The following PTPRD variants were observed in gnomAD, a reference collection of about 807,000 sequenced individuals.
The protein encoded by PTPRD is protein tyrosine phosphatase receptor type D, also known as receptor-type tyrosine-protein phosphatase delta.
A neutral mutation model predicts 214.5 loss-of-function variants in PTPRD; 34 were observed. That is an observed-to-expected ratio of 0.16 (90% confidence interval 0.12 to 0.21). The LOEUF is 0.21. PTPRD is among the 10% of genes least tolerant of loss of function. PTPRD has a pLI of 1.00. For missense variants in PTPRD, 2,545 were observed against 2,398.7 expected, an observed-to-expected ratio of 1.06 and a Z score of -1.27; for synonymous variants, 1,128 against 845.7, an observed-to-expected ratio of 1.33 and a Z score of -5.79.
chr9:9,876,527 T>G (rs887566579), intron 5 of PTPRD, among the ~76,000 whole-genome samples: 4 of 152,148 alleles, frequency 2.6e-5, no homozygotes, highest in African/African-American at 9.7e-5. Flanking sequence ...ACACATGATG[T>G]GAAAACACTT....
intron 5 of PTPRD, among the ~76,000 whole-genome samples, chr9:9,854,325 G>A (rs1001970685): frequency 3.9e-5 from 6 of 152,028 alleles, no homozygotes; most frequent in African/African-American, 1.4e-4. Flanking sequence ...AAACTAACTT[G>A]TATTTGCCAT....
At chr9:9,691,955 A>T (rs142434762) in intron 7 of PTPRD, among the ~76,000 whole-genome samples, 2 of 151,892 alleles carry the variant, frequency 1.3e-5, no homozygotes, top group East Asian at 3.9e-4. Context: ...TATTTTGCCC[A>T]TTTTTCAATC....
At chr9:8,545,016 C>G (rs930394132) in intron 14 of PTPRD, among the ~76,000 whole-genome samples, 1 of 149,984 alleles carries the variant, frequency 6.7e-6, no homozygotes, top group African/African-American at 2.5e-5. Flanking sequence ...CTGGGATATT[C>G]ACTTTCCTGG....
At chr9:8,885,306 G>C (rs1314304449) in intron 11 of PTPRD, among the ~76,000 whole-genome samples, 1 of 151,886 alleles carries the variant, frequency 6.6e-6, no homozygotes, top group Non-Finnish European at 1.5e-5. Context: ...TGGGACTAAG[G>C]GGTTTCTCAG....
intron 5 of PTPRD, among the ~76,000 whole-genome samples, chr9:9,837,228 G>C (rs550305490): frequency 6.6e-6 from 1 of 152,076 alleles, no homozygotes. Context: ...AATGAGAAAA[G>C]AAATGGGCAT....
At chr9:9,938,170 C>A (rs2090229420) in intron 5 of PTPRD, among the ~76,000 whole-genome samples, 3 of 152,042 alleles carry the variant, frequency 2.0e-5, no homozygotes. Context: ...CTCTGGTTTC[C>A]CACTCTGGAT....
intron 20 of PTPRD, among the ~76,000 whole-genome samples, chr9:8,520,367 C>T (rs754690396): frequency 6.6e-6 from 1 of 152,032 alleles, no homozygotes; most frequent in African/African-American, 2.4e-5. Context: ...GTTAGAGATG[C>T]GATACCAATT....
At chr9:8,901,874 C>T (rs1021243525) in intron 11 of PTPRD, among the ~76,000 whole-genome samples, 1 of 152,072 alleles carries the variant, frequency 6.6e-6, no homozygotes, top group Non-Finnish European at 1.5e-5. Context: ...ATGATGAAAT[C>T]CTTCTCTGAA....
At chr9:8,824,561 A>G (rs1365824145) in intron 11 of PTPRD, among the ~76,000 whole-genome samples, 1 of 151,446 alleles carries the variant, frequency 6.6e-6, no homozygotes, top group Non-Finnish European at 1.5e-5. Flanking sequence ...TTATACAAAG[A>G]GTATAACAGT....
At chr9:8,719,823 G>A (rs934052979) in intron 12 of PTPRD, among the ~76,000 whole-genome samples, 6 of 150,810 alleles carry the variant, frequency 4.0e-5, no homozygotes, top group South Asian at 2.1e-4. Flanking sequence ...TTTAGCTAAT[G>A]TATATCAATG....
chr9:10,451,411 C>T (rs1323963972), intron 2 of PTPRD, among the ~76,000 whole-genome samples: 1 of 151,572 alleles, frequency 6.6e-6, no homozygotes, highest in Admixed American at 6.6e-5. Context: ...GCAATTGTGG[C>T]TTTTTCTTTT....
intron 5 of PTPRD, among the ~76,000 whole-genome samples, chr9:9,791,154 G>C (rs964010960): frequency 6.6e-6 from 1 of 151,924 alleles, no homozygotes; most frequent in African/African-American, 2.4e-5. Context: ...TTGTTATGCT[G>C]CATATAGCCA....
chr9:10,559,036 G>C (rs1032393304), intron 2 of PTPRD, among the ~76,000 whole-genome samples: 1 of 152,062 alleles, frequency 6.6e-6, no homozygotes, highest in African/African-American at 2.4e-5. Flanking sequence ...CGGAGGCTTG[G>C]AGACAAGGTT....
intron 9 of PTPRD, among the ~76,000 whole-genome samples, chr9:9,275,287 A>C (rs1945162931): frequency 7.5e-6 from 1 of 134,214 alleles, no homozygotes; most frequent in South Asian, 2.3e-4. Flanking sequence ...CTTGATCATC[A>C]GTTTTGCCAA....
intron 2 of PTPRD, among the ~76,000 whole-genome samples, chr9:10,365,123 T>C (rs2097490391): frequency 6.6e-6 from 1 of 152,204 alleles, no homozygotes; most frequent in African/African-American, 2.4e-5. Flanking sequence ...CATCATCTCT[T>C]CTTTGGACTA....
At chr9:9,749,958 G>A (rs2098500258) in intron 6 of PTPRD, among the ~76,000 whole-genome samples, 1 of 152,180 alleles carries the variant, frequency 6.6e-6, no homozygotes, top group Admixed American at 6.6e-5. Context: ...ATGCTCATAT[G>A]TTGACTGATG....
intron 2 of PTPRD, among the ~76,000 whole-genome samples, chr9:10,418,935 G>A (rs1223284521): frequency 2.0e-5 from 3 of 151,708 alleles, no homozygotes; most frequent in East Asian, 3.9e-4. Context: ...ATCTCTTCTG[G>A]GAATAGTCTC....
At chr9:9,981,002 C>G (rs570113273) in intron 4 of PTPRD, among the ~76,000 whole-genome samples, 1 of 152,250 alleles carries the variant, frequency 6.6e-6, no homozygotes, top group South Asian at 2.1e-4. Context: ...TTCATTTAAC[C>G]TGAATATGTT....
In PTPRD at chr9:9,764,017, C is replaced by T. The variant is rs188384379; in HGVS notation, c.-326+2793G>A. ...GATTAAAATTTATTTTATATTTGCA[C>T]GACCCCCATTCCTTGAGCACCTCTC... On this transcript the variant is annotated intron_variant, in intron 6 of 45. Coordinates refer to ENST00000381196, the MANE Select transcript of PTPRD (RefSeq NM_002839.4). Among the ~76,000 whole-genome samples the T allele has an allele frequency of 2.7e-3, 418 of 152,128 alleles. 3 individuals carry two copies. Among genetic ancestry groups the T allele is most frequent in the African/African-American group, 9.4e-3 (389 of 41,520 alleles).
Sources: allele counts gnomAD v4.1 joint callset (sites outside exome capture counted in the v4.1 genomes callset), GRCh38; gene constraint gnomAD v4.1.1; transcripts MANE v1.5; gene names NCBI Gene and HGNC (gene_info 2026-07-23, HGNC 2026-07-21).